Variants in VWA2 observed in about 807,000 individuals in gnomAD.
VWA2 encodes the protein von Willebrand factor A domain containing 2.
In VWA2, 73 loss-of-function variants were observed where a neutral mutation model predicts 70.4. That is an observed-to-expected ratio of 1.04 (90% CI 0.86 to 1.26). The LOEUF is 1.26. VWA2 is among the 50% of genes most tolerant of loss of function. The probability of loss-of-function intolerance (pLI) is 0.00; values close to 1 mark genes in which losing one functional copy is unlikely to be tolerated. For synonymous variants in VWA2, 407 were observed against 423.3 expected, an observed-to-expected ratio of 0.96 and a Z score of 0.47; for missense variants, 1,011 against 998.5, an observed-to-expected ratio of 1.01 and a Z score of -0.17.
chr10:114,282,017 C>CTTTTTTTTTTTT (rs144974085), intron 8 of VWA2, among the ~76,000 whole-genome samples: 1,768 of 119,512 alleles, frequency 0.015, 119 homozygotes, highest in African/African-American at 0.041. Flanking sequence ...CTTATGTTAC[C>CTTTTTTTTTTTT]TTTTTTTTTT....
intron 5 of VWA2, among the ~76,000 whole-genome samples, chr10:114,263,900 C>T (rs1270798610): frequency 6.6e-6 from 1 of 152,144 alleles, no homozygotes; most frequent in Non-Finnish European, 1.5e-5. Context: ...CCAATAAGTA[C>T]ACAAAAAGAT....
At chr10:114,287,405 T>C (rs956439622) in intron 11 of VWA2, among the ~76,000 whole-genome samples, 1 of 152,086 alleles carries the variant, frequency 6.6e-6, no homozygotes, top group African/African-American at 2.4e-5. Context: ...GGTCTCGAAC[T>C]CCTGGGCTCA....
intron 1 of VWA2, among the ~76,000 whole-genome samples, chr10:114,242,597 C>T (rs896344847): frequency 1.3e-5 from 2 of 152,092 alleles, no homozygotes; most frequent in East Asian, 3.9e-4. Context: ...CCGCATGTCT[C>T]TGTGTACCAC....
chr10:114,286,433 A>C lies in VWA2; in HGVS notation c.1492A>C (p.Met498Leu). The C allele has an allele frequency of 6.2e-7, 1 of 1,613,566 alleles. No homozygotes were observed. The highest frequency in any genetic ancestry group is 8.5e-7 in the Non-Finnish European group (1 of 1,179,856). The change falls in exon 11 of 14, where the codon ATG becomes CTG. Residue 498 changes from methionine (M) to leucine (L), a missense_variant. Met to Leu is a conservative substitution (Grantham distance 15, BLOSUM62 2). Coordinates refer to ENST00000392982, the MANE Select transcript of VWA2 (RefSeq NM_001272046.2). The part of the protein sequence containing the change: ...EEITGSPKHV[M>L]VYSDPQDLFN... ...GATCACAGGCAGCCCAAAGCATGTG[A>C]TGGTCTACTCGGATCCTCAGGATCT...
At chr10:114,271,836 G>C (rs199614012) in intron 5 of VWA2, among the ~76,000 whole-genome samples, 1 of 152,178 alleles carries the variant, frequency 6.6e-6, no homozygotes, top group African/African-American at 2.4e-5. Flanking sequence ...TTCTCTGTGT[G>C]TACTGTTGAT....
At chr10:114,264,848 T>G (rs748506158) in intron 5 of VWA2, among the ~76,000 whole-genome samples, 2 of 152,132 alleles carry the variant, frequency 1.3e-5, no homozygotes, top group East Asian at 3.9e-4. Context: ...GCCTCCCGAG[T>G]AGCTAGGACT....
rs757455870 is a variant in VWA2 at position 114,282,498 on chromosome 10, TG to T, written c.834-17del. Reference sequence around the variant, plus strand: ...TACACCTCTGATCTGTCTATAATTCTGTTTCCTTGGATTGTAGCTGGAAGAG... The same window carrying T: ...TACACCTCTGATCTGTCTATAATTCTTTTCCTTGGATTGTAGCTGGAAGAG... On this transcript the variant is annotated splice_polypyrimidine_tract_variant and intron_variant, in intron 8 of 13. Coordinates refer to ENST00000392982, the MANE Select transcript of VWA2 (RefSeq NM_001272046.2). 2 of 1,611,926 alleles carry T rather than the reference TG, an allele frequency of 1.2e-6. No individual in the cohort carries two copies. Among genetic ancestry groups the T allele is most frequent in the Non-Finnish European group, 1.7e-6 (2 of 1,177,980 alleles).
At chr10:114,290,864 G>GA (rs2039522665) in intron 13 of VWA2, among the ~76,000 whole-genome samples, 2 of 152,186 alleles carry the variant, frequency 1.3e-5, no homozygotes. Context: ...AGAGGTTTGA[G>GA]AGAAAAGAAG....
intron 5 of VWA2, among the ~76,000 whole-genome samples, chr10:114,270,785 G>A (rs886371100): frequency 3.3e-5 from 5 of 152,164 alleles, no homozygotes; most frequent in African/African-American, 7.2e-5. Flanking sequence ...AGTCAGTGGC[G>A]TGAGTGTAGT....
chr10:114,284,499 A>G (rs1261596358), intron 9 of VWA2, among the ~76,000 whole-genome samples: 1 of 152,130 alleles, frequency 6.6e-6, no homozygotes, highest in Non-Finnish European at 1.5e-5. Context: ...CATTAAGACA[A>G]CCCTGTGTAG....
intron 2 of VWA2, among the ~76,000 whole-genome samples, chr10:114,249,421 A>G (rs549510914): frequency 1.3e-5 from 2 of 151,958 alleles, no homozygotes; most frequent in Non-Finnish European, 2.9e-5. Flanking sequence ...ACACCCGGCT[A>G]ATTTTTGTAT....
At chr10:114,248,890 C>A in intron 2 of VWA2, 125 bp downstream of exon 2, 1 of 898,416 alleles carries the variant, frequency 1.1e-6, no homozygotes, top group East Asian at 2.4e-5. Context: ...CCCTCCATGG[C>A]CACCTCCCTA....
chr10:114,260,746 C>T (rs868445670), intron 4 of VWA2, among the ~76,000 whole-genome samples: 1 of 152,184 alleles, frequency 6.6e-6, no homozygotes, highest in African/African-American at 2.4e-5. Flanking sequence ...GGTATATATT[C>T]TCCATATTGG....
At chr10:114,271,784 CTG>C (rs1238333069) in intron 5 of VWA2, among the ~76,000 whole-genome samples, 1 of 152,194 alleles carries the variant, frequency 6.6e-6, no homozygotes, top group African/African-American at 2.4e-5. Context: ...CATCTAGAAT[CTG>C]TGGTTAGTCA....
At position 114,292,399 on chromosome 10, in the gene VWA2, G is replaced by T. The variant is rs2039684711; in HGVS notation, c.*1162G>T. ...CTTAAACTCAAAAATATAGGATAAA[G>T]AAACTTACAGAGATTTTGCTTTTTA... On this transcript the variant is annotated 3_prime_UTR_variant, in exon 14 of 14. Coordinates refer to ENST00000392982, the MANE Select transcript of VWA2 (RefSeq NM_001272046.2). 6.6e-6 allele frequency among the ~76,000 whole-genome samples: 1 copy of T among 152,038 alleles called. No individual in the cohort carries two copies. Among genetic ancestry groups the T allele is most frequent in the Non-Finnish European group, 1.5e-5 (1 of 68,014 alleles).
At chr10:114,280,928 A>AT (rs2133400970) in intron 8 of VWA2, 1 of 151,954 alleles carries the variant, frequency 6.6e-6, no homozygotes, top group Admixed American at 6.6e-5. Flanking sequence ...TTTTTTATAG[A>AT]TGGGGTCTCA....
intron 6 of VWA2, among the ~76,000 whole-genome samples, chr10:114,275,852 C>T (rs2037830021): frequency 6.6e-6 from 1 of 152,106 alleles, no homozygotes; most frequent in African/African-American, 2.4e-5. Flanking sequence ...CACTTGAACC[C>T]AGGAAGCAGA....
chr10:114,256,899 A>T (rs1214634004), intron 4 of VWA2, among the ~76,000 whole-genome samples: 1 of 146,032 alleles, frequency 6.8e-6, no homozygotes, highest in African/African-American at 2.6e-5. Context: ...GACAGAGTGA[A>T]ACACCGTCTC....
In VWA2 at chr10:114,246,505, C is replaced by CAAAAAAAAA. The variant is rs570510812; in HGVS notation, c.-10-2187_-10-2179dup. ...AACAAGAGTGAAAGAAACTCCATCT[C>CAAAAAAAAA]AAAAAAAAAAAAAAAAAAAACGAGT... On this transcript the variant is annotated intron_variant, in intron 1 of 13. Transcript: ENST00000392982. The CAAAAAAAAA allele has an allele frequency of 7.0e-5, 27 of 384,940 alleles. 2 individuals are homozygous for CAAAAAAAAA. The highest frequency in any genetic ancestry group is 1.8e-4 in the Admixed American group (3 of 17,114). 23.8% of individuals were successfully genotyped at this position (384,940 alleles called of 1,614,324 possible). A position where few individuals can be genotyped will look rare whatever the true frequency, so the allele number is the denominator to read the frequency against.
Sources: gnomAD v4.1 joint callset for allele counts (sites outside exome capture counted in the v4.1 genomes callset) on GRCh38, gnomAD v4.1.1 for gene constraint, MANE v1.5 for transcripts, NCBI Gene and HGNC (gene_info 2026-07-23, HGNC 2026-07-21) for gene names.